The following CDC42 variants were observed in gnomAD, a reference collection of about 807,000 sequenced individuals.
The protein encoded by CDC42 is cell division cycle 42.
Under a neutral mutation model 20.8 loss-of-function variants are expected in CDC42, and 1 was observed. The ratio of observed to expected loss-of-function variants is 0.05; its 90% CI spans 0.02 to 0.23. The LOEUF (loss-of-function observed/expected upper bound fraction) is 0.23. Among genes scored for constraint, CDC42 ranks in the 10% least tolerant of loss-of-function variants. The pLI, the probability that CDC42 is intolerant of heterozygous loss-of-function variation, is 1.00. For missense variants in CDC42, 49 were observed against 227.9 expected (o/e 0.21, Z 5.05); for synonymous variants, 72 against 84.8 (o/e 0.85, Z 0.83).
rs1570059686 is a variant in CDC42, at chr1:22,097,577, G to A, written c.*6060G>A. ...ATTCTTAAGTCCGCCTTTCAAAGTT[G>A]AGTACTGCATTCTTGCGGCTCTACC... is the stretch of plus-strand genomic sequence containing the variant. On this transcript the variant is annotated 3_prime_UTR_variant, in exon 6 of 6. Transcript: ENST00000656825. 6.6e-6 allele frequency among the ~76,000 whole-genome samples: 1 copy of A among 152,190 alleles called. No individual in the cohort carries two copies. The highest frequency in any genetic ancestry group is 6.5e-5 in the Admixed American group (1 of 15,280).
At chr1:22,060,727 A>G (rs1032688895) in intron 1 of CDC42, among the ~76,000 whole-genome samples, 1 of 152,232 alleles carries the variant, frequency 6.6e-6, no homozygotes, top group African/African-American at 2.4e-5. Flanking sequence ...CATTAGCTGA[A>G]TACTATTGGA....
At chr1:22,084,335 G>GTTTTTTTTTTT (rs61584354) in intron 3 of CDC42, among the ~76,000 whole-genome samples, 4 of 80,702 alleles carry the variant, frequency 5.0e-5, no homozygotes, top group Non-Finnish European at 6.8e-5. Context: ...CTTATTTCCT[G>GTTTTTTTTTTT]TTTTTTTTTT....
intron 5 of CDC42, among the ~76,000 whole-genome samples, chr1:22,087,450 A>G (rs1299265920): frequency 6.6e-6 from 1 of 151,828 alleles, no homozygotes; most frequent in Non-Finnish European, 1.5e-5. Context: ...TTTAATTGGA[A>G]CTCCTTTTGT....
At chr1:22,068,436 CTTT>C (rs914856913) in intron 1 of CDC42, 18 of 153,418 alleles carry the variant, frequency 1.2e-4, no homozygotes, top group Middle Eastern at 3.4e-3. Flanking sequence ...TTTTGGCAGA[CTTT>C]TTTCCTGTTG....
intron 2 of CDC42, among the ~76,000 whole-genome samples, chr1:22,080,830 G>A (rs970245203): frequency 1.3e-5 from 2 of 152,178 alleles, no homozygotes; most frequent in South Asian, 2.1e-4. Context: ...TAAAGAAGAT[G>A]TCTTAGATCA....
At chr1:22,058,616 G>A (rs926680976) in intron 1 of CDC42, among the ~76,000 whole-genome samples, 3 of 151,726 alleles carry the variant, frequency 2.0e-5, no homozygotes, top group African/African-American at 7.3e-5. Flanking sequence ...CCGAGTAGCT[G>A]GGATTACAGG....
intron 3 of CDC42, among the ~76,000 whole-genome samples, chr1:22,083,333 T>C (rs1557904726): frequency 2.6e-5 from 4 of 152,000 alleles, no homozygotes; most frequent in Admixed American, 1.3e-4. Flanking sequence ...CCAGGCGCGG[T>C]GGCTCACGCC....
chr1:22,058,173 C>G (rs977002962), intron 1 of CDC42, among the ~76,000 whole-genome samples: 6 of 152,194 alleles, frequency 3.9e-5, no homozygotes, highest in Admixed American at 1.3e-4. Context: ...CCCAGTCTTA[C>G]TGACCCAGAA....
At chr1:22,067,578 C>G (rs1010706420) in intron 1 of CDC42, among the ~76,000 whole-genome samples, 1 of 152,174 alleles carries the variant, frequency 6.6e-6, no homozygotes, top group African/African-American at 2.4e-5. Context: ...CGCCTGACCT[C>G]AGATGATCCG....
chr1:22,054,529 A>G (rs1010253235), intron 1 of CDC42, among the ~76,000 whole-genome samples: 6 of 152,200 alleles, frequency 3.9e-5, no homozygotes, highest in African/African-American at 1.4e-4. Flanking sequence ...ATAGTATCAC[A>G]CAAAAATGTT....
chr1:22,079,664 A>G (rs1440767043), intron 2 of CDC42, among the ~76,000 whole-genome samples: 1 of 152,166 alleles, frequency 6.6e-6, no homozygotes, highest in African/African-American at 2.4e-5. Context: ...TCATTTGGAG[A>G]CAAGATAAAT....
intron 1 of CDC42, among the ~76,000 whole-genome samples, chr1:22,076,093 C>T (rs904074743): frequency 1.3e-5 from 2 of 152,152 alleles, no homozygotes; most frequent in African/African-American, 4.8e-5. Context: ...TGTCATTCCA[C>T]TAGCACTGAT....
intron 1 of CDC42, among the ~76,000 whole-genome samples, chr1:22,061,368 A>G (rs1227648131): frequency 6.7e-6 from 1 of 149,498 alleles, no homozygotes. Flanking sequence ...AGATTGCACC[A>G]CTGCACTTCA....
chr1:22,091,951 T>G lies in CDC42; in HGVS notation c.*434T>G, dbSNP rs1645723148. On this transcript the variant is annotated 3_prime_UTR_variant, in exon 6 of 6. Coordinates refer to ENST00000656825, the MANE Select transcript of CDC42 (RefSeq NM_001791.4). ...TGTTTTGTTTTTTTCCCTCCTCTTTTTTTTGGGGGGGAGTGTGTGTGGGGT... is the reference window on the plus strand; with the variant it reads ...TGTTTTGTTTTTTTCCCTCCTCTTTGTTTTGGGGGGGAGTGTGTGTGGGGT... 6.5e-6 allele frequency: 1 copy of G among 153,226 alleles called. No homozygotes were observed. The highest frequency in any genetic ancestry group is 1.5e-5 in the Non-Finnish European group (1 of 68,616). 9.5% of individuals were successfully genotyped at this position (153,226 alleles called of 1,614,324 possible).
At chr1:22,084,135 G>A (rs537339913) in intron 3 of CDC42, among the ~76,000 whole-genome samples, 2 of 152,204 alleles carry the variant, frequency 1.3e-5, no homozygotes, top group South Asian at 4.2e-4. Context: ...CTATCAACAT[G>A]GGTATACAGA....
chr1:22,091,867 A>G lies in CDC42; in HGVS notation c.*350A>G, dbSNP rs574107625. The G allele has an allele frequency of 6.8e-6, 1 of 146,784 alleles. No individual in the cohort carries two copies. The highest frequency in any genetic ancestry group is 1.9e-4 in the East Asian group (1 of 5,374). The allele number at this position is 146,784 out of a possible 1,614,324, so 9.1% of individuals were successfully genotyped here. A position where few individuals can be genotyped will look rare whatever the true frequency, so the allele number is the denominator to read the frequency against. Reference sequence around the variant, plus strand: ...ATGACTCTGTAACAGACTAATTGGAATTGTTGAAGCTGCTCCCTGGTTCCA... The same window carrying G: ...ATGACTCTGTAACAGACTAATTGGAGTTGTTGAAGCTGCTCCCTGGTTCCA... On this transcript the variant is annotated 3_prime_UTR_variant, in exon 6 of 6. Transcript: ENST00000656825.
At chr1:22,070,906 G>A (rs1178544085) in intron 1 of CDC42, among the ~76,000 whole-genome samples, 4 of 152,090 alleles carry the variant, frequency 2.6e-5, no homozygotes, top group South Asian at 2.1e-4. Flanking sequence ...TCCTTTGCTC[G>A]GTGTACTTTT....
rs1645735089 is a variant in CDC42 at position 22,093,458 on chromosome 1, G to C, written c.*1941G>C. 1.3e-5 allele frequency among the ~76,000 whole-genome samples: 2 copies of C among 152,164 alleles called. No individual in the cohort carries two copies. Among genetic ancestry groups the C allele is most frequent in the African/African-American group, 4.8e-5 (2 of 41,430 alleles). On this transcript the variant is annotated 3_prime_UTR_variant, in exon 6 of 6. Coordinates refer to ENST00000656825, the MANE Select transcript of CDC42 (RefSeq NM_001791.4). ...TTCTGTGCTGCGAATCTGAATATGG[G>C]ATACATTTTCTTTAGGTAGCAAGAA...
chr1:22,098,879 C>T lies in CDC42; in HGVS notation c.*7362C>T, dbSNP rs1645773242. On this transcript the variant is annotated 3_prime_UTR_variant, in exon 6 of 6. Transcript: ENST00000656825. The stretch of plus-strand genomic sequence containing the variant: ...GCTCAAGCGATCCTCCCGCCTCAGC[C>T]TCCCGAGTAGAAGGTACTACAGGTG... 6.6e-6 allele frequency among the ~76,000 whole-genome samples: 1 copy of T among 152,182 alleles called. No individual in the cohort carries two copies. The highest frequency in any genetic ancestry group is 1.5e-5 in the Non-Finnish European group (1 of 68,038).
Sources: gnomAD v4.1 joint callset for allele counts (sites outside exome capture counted in the v4.1 genomes callset) on GRCh38, gnomAD v4.1.1 for gene constraint, MANE v1.5 for transcripts, NCBI Gene and HGNC (gene_info 2026-07-23, HGNC 2026-07-21) for gene names.